The following PPP1R15B variants were observed in gnomAD, a reference collection of about 807,000 sequenced individuals.
PPP1R15B encodes the protein protein phosphatase 1 regulatory subunit 15B.
Under a neutral mutation model 53.9 loss-of-function variants are expected in PPP1R15B, and 31 were observed. That is an observed-to-expected ratio of 0.58 (90% confidence interval 0.43 to 0.78). PPP1R15B has a LOEUF of 0.78. PPP1R15B is among the 30% of genes least tolerant of loss of function. The probability of loss-of-function intolerance (pLI) is 0.00; values close to 1 mark genes in which losing one functional copy is unlikely to be tolerated. For missense variants in PPP1R15B, 928 were observed against 849.6 expected (o/e 1.09, Z -1.15); for synonymous variants, 345 against 329.1 (o/e 1.05, Z -0.52).
chr1:204,399,785 A>G (rs907948164), downstream of PPP1R15B, among the ~76,000 whole-genome samples: 3 of 152,172 alleles, frequency 2.0e-5, no homozygotes, highest in African/African-American at 7.2e-5. Flanking sequence ...GTTGGGGGAT[A>G]GAGTGATCAG....
In PPP1R15B at chr1:204,410,914, A is replaced by G. The variant is rs1299887126; in HGVS notation, c.498T>C (p.Ala166=). The G allele has an allele frequency of 6.2e-7, 1 of 1,613,918 alleles. No homozygotes were observed. Among genetic ancestry groups the G allele is most frequent in the Non-Finnish European group, 8.5e-7 (1 of 1,179,978 alleles). ...LKLELKAKGS[A]LDPAAQAFLL... ...GAAAAGCCTGTGCTGCAGGGTCCAA[A>G]GCACTTCCCTTGGCCTTAAGCTCCA... The change falls in exon 1 of 2, where the codon GCT becomes GCC. Residue 166 remains alanine, a synonymous_variant. Coordinates refer to ENST00000367188, the MANE Select transcript of PPP1R15B (RefSeq NM_032833.5).
In PPP1R15B at chr1:204,404,512, CACAGA is replaced by C; in HGVS notation, c.*1575_*1579del. 1 of 984,494 alleles carries C rather than the reference CACAGA, an allele frequency of 1.0e-6. No homozygotes were observed. The highest frequency in any genetic ancestry group is 1.2e-6 in the Non-Finnish European group (1 of 828,982). The allele number at this position is 984,494 out of a possible 1,614,324, so 61.0% of individuals were successfully genotyped here. A position where few individuals can be genotyped will look rare whatever the true frequency, so the allele number is the denominator to read the frequency against. On this transcript the variant is annotated 3_prime_UTR_variant, in exon 2 of 2. Transcript: ENST00000367188. ...AAAAAAAAGAAAAAAACAAAAAACACACAGAATAAGGGCTCTGCAAAAATTTGACC... is the reference window on the plus strand; with the variant it reads ...AAAAAAAAGAAAAAAACAAAAAACACATAAGGGCTCTGCAAAAATTTGACC...
Position 204,405,884 on chromosome 1 carries a change from C to T in PPP1R15B, c.*208G>A, listed in dbSNP as rs1674256205. On this transcript the variant is annotated 3_prime_UTR_variant, in exon 2 of 2. Coordinates refer to ENST00000367188, the MANE Select transcript of PPP1R15B (RefSeq NM_032833.5). Reference sequence around the variant, plus strand: ...AATCAAAAAAGGGAGGATTAGAAATCACACTAGTTCATCCTTCATTATCAG... The same window carrying T: ...AATCAAAAAAGGGAGGATTAGAAATTACACTAGTTCATCCTTCATTATCAG... 6.0e-6 allele frequency: 8 copies of T among 1,325,910 alleles called. No homozygotes were observed. The highest frequency in any genetic ancestry group is 6.7e-6 in the Non-Finnish European group (7 of 1,037,770). The allele number at this position is 1,325,910 out of a possible 1,614,324, so 82.1% of individuals were successfully genotyped here. A position where few individuals can be genotyped will look rare whatever the true frequency, so the allele number is the denominator to read the frequency against.
rs1674335424 is a variant in PPP1R15B, at chr1:204,409,967, C to A, written c.1445G>T (p.Cys482Phe). 1 of 1,614,040 alleles carries A rather than the reference C, an allele frequency of 6.2e-7. No individual in the cohort carries two copies. Among genetic ancestry groups the A allele is most frequent in the Admixed American group, 1.7e-5 (1 of 60,008 alleles). Reference protein sequence around the residue: ...PEGLHLWNSFCSVDPYNPQNF... With the variant: ...PEGLHLWNSFFSVDPYNPQNF... The stretch of plus-strand genomic sequence containing the variant: ...CTGGGGATTATAAGGATCTACACTG[C>A]AGAAAGAGTTCCAAAGGTGAAGCCC... The change falls in exon 1 of 2, where the codon TGC (cysteine) becomes TTC (phenylalanine). Residue 482 changes from cysteine to phenylalanine, a missense_variant. Coordinates refer to ENST00000367188, the MANE Select transcript of PPP1R15B (RefSeq NM_032833.5).
chr1:204,404,773 G>A lies in PPP1R15B; in HGVS notation c.*1319C>T. On this transcript the variant is annotated 3_prime_UTR_variant, in exon 2 of 2. Coordinates refer to ENST00000367188, the MANE Select transcript of PPP1R15B (RefSeq NM_032833.5). ...CATTACCTGTGACAGGAAGCACACG[G>A]AATGAAAGCAGACCACGGAAGGGTT... 3.0e-6 allele frequency: 3 copies of A among 985,866 alleles called. No homozygotes were observed. Among genetic ancestry groups the A allele is most frequent in the Non-Finnish European group, 3.6e-6 (3 of 829,932 alleles). The allele number at this position is 985,866 out of a possible 1,614,324, so 61.1% of individuals were successfully genotyped here. A position where few individuals can be genotyped will look rare whatever the true frequency, so the allele number is the denominator to read the frequency against.
chr1:204,411,797 GGTGGAA>G lies in PPP1R15B; in HGVS notation c.-392_-387del. Reference sequence around the variant, plus strand: ...AAGGACTGGGTAGGCCGGCTGGTGCGGTGGAAGCGAAGCCCAAAATGGCCGCAGGGC... The same window carrying G: ...AAGGACTGGGTAGGCCGGCTGGTGCGGCGAAGCCCAAAATGGCCGCAGGGC... On this transcript the variant is annotated 5_prime_UTR_variant, in exon 1 of 2. Coordinates refer to ENST00000367188, the MANE Select transcript of PPP1R15B (RefSeq NM_032833.5). The G allele has an allele frequency of 4.6e-6, 1 of 217,284 alleles. No individual in the cohort carries two copies. The highest frequency in any genetic ancestry group is 9.3e-6 in the Non-Finnish European group (1 of 107,872). The allele number at this position is 217,284 out of a possible 1,614,324, so 13.5% of individuals were successfully genotyped here.
chr1:204,398,922 C>T (rs1257728249), downstream of PPP1R15B, among the ~76,000 whole-genome samples: 1 of 152,206 alleles, frequency 6.6e-6, no homozygotes, highest in Admixed American at 6.5e-5. Flanking sequence ...TTAATAATGA[C>T]ACTAGAATTA....
At chr1:204,399,689 G>A (rs1020700819), downstream of PPP1R15B, among the ~76,000 whole-genome samples, 5 of 152,124 alleles carry the variant, frequency 3.3e-5, no homozygotes, top group African/African-American at 1.2e-4. Flanking sequence ...TGAGGGTGGT[G>A]GTAGATGAGA....
At chr1:204,408,204 T>C (rs1674299343) in intron 1 of PPP1R15B, among the ~76,000 whole-genome samples, 1 of 152,212 alleles carries the variant, frequency 6.6e-6, no homozygotes, top group African/African-American at 2.4e-5. Flanking sequence ...GCCTTCCAAA[T>C]CTCTGCGCCT....
chr1:204,409,800 C>G lies in PPP1R15B; in HGVS notation c.1612G>C (p.Gly538Arg), dbSNP rs760319584. 100 of 1,614,056 alleles carry G rather than the reference C, an allele frequency of 6.2e-5. No homozygotes were observed. The highest frequency in any genetic ancestry group is 8.1e-5 in the Non-Finnish European group (95 of 1,180,034). The change falls in exon 1 of 2, where the codon GGG (glycine) becomes CGG (arginine). Residue 538 changes from glycine (G) to arginine (R), a missense_variant. Coordinates refer to ENST00000367188, the MANE Select transcript of PPP1R15B (RefSeq NM_032833.5). ...SLPETPEHSS[G>R]EEDDWESSAD... is the part of the protein sequence containing the mutation. ...CTAGATTCCCAGTCATCTTCCTCCC[C>G]AGAACTATGCTCAGGGGTCTCAGGA...
At chr1:204,406,457 A>G (rs1314921815) in intron 1 of PPP1R15B, 144 bp from the exon 2 acceptor site, 1 of 1,257,868 alleles carries the variant, frequency 7.9e-7, no homozygotes, top group African/African-American at 1.5e-5. Context: ...GGTCCCAGCT[A>G]TATTTGAAGT....
At chr1:204,396,880 G>A (rs1674107066), downstream of PPP1R15B, among the ~76,000 whole-genome samples, 1 of 152,178 alleles carries the variant, frequency 6.6e-6, no homozygotes, top group African/African-American at 2.4e-5. Flanking sequence ...GGTGACCATA[G>A]TCAATAACAA....
rs1018352614 is a variant in PPP1R15B, at chr1:204,403,887, A to G, written c.*2205T>C. 1.0e-6 allele frequency: 1 copy of G among 985,722 alleles called. No homozygotes were observed. The highest frequency in any genetic ancestry group is 1.7e-5 in the African/African-American group (1 of 57,358). The allele number at this position is 985,722 out of a possible 1,614,324, so 61.1% of individuals were successfully genotyped here. A position where few individuals can be genotyped will look rare whatever the true frequency, so the allele number is the denominator to read the frequency against. On this transcript the variant is annotated 3_prime_UTR_variant, in exon 2 of 2. Coordinates refer to ENST00000367188, the MANE Select transcript of PPP1R15B (RefSeq NM_032833.5). Reference sequence around the variant, plus strand: ...TCTTCCAAGGAGGCTAGTATATGGAAGAACTCTTAATCAAGCTTTCACTCA... The same window carrying G: ...TCTTCCAAGGAGGCTAGTATATGGAGGAACTCTTAATCAAGCTTTCACTCA...
chr1:204,402,230 C>T (rs1292457256), downstream of PPP1R15B, among the ~76,000 whole-genome samples: 1 of 152,156 alleles, frequency 6.6e-6, no homozygotes, highest in Admixed American at 6.5e-5. Flanking sequence ...ATCTTAATAA[C>T]TTTTCTTCAT....
At chr1:204,406,896 GC>G (rs879649308) in intron 1 of PPP1R15B, among the ~76,000 whole-genome samples, 2 of 150,522 alleles carry the variant, frequency 1.3e-5, no homozygotes, top group African/African-American at 4.9e-5. Context: ...ACAGTCGTCT[GC>G]CCCCCCCAAT....
rs1225600253 is a variant in PPP1R15B, at chr1:204,409,503, TGACA to T, written c.1905_1908del (p.His635GlnfsTer6). On this transcript the variant is annotated frameshift_variant, in exon 1 of 2. Coordinates refer to ENST00000367188, the MANE Select transcript of PPP1R15B (RefSeq NM_032833.5). LOFTEE classifies it high-confidence loss of function. ...GACAAGAAACAAACCTTTTTTCTTT[TGACA>T]TGTGTGTGTCTTCCTCCAGAAAGAA... 23 of 1,606,990 alleles carry T rather than the reference TGACA, an allele frequency of 1.4e-5. No individual in the cohort carries two copies. Among genetic ancestry groups the T allele is most frequent in the Middle Eastern group, 1.7e-4 (1 of 6,012 alleles).
rs1179842545 is a variant in PPP1R15B, at chr1:204,403,764, C to G, written c.*2328G>C. On this transcript the variant is annotated 3_prime_UTR_variant, in exon 2 of 2. Transcript: ENST00000367188. ...AAGATTACGGGGGTTTAACTTTGTT[C>G]TAACTAGAATTGGGATGAAACAAGA... 6 of 985,622 alleles carry G rather than the reference C, an allele frequency of 6.1e-6. No individual in the cohort carries two copies. The highest frequency in any genetic ancestry group is 7.2e-6 in the Non-Finnish European group (6 of 829,724). The allele number at this position is 985,622 out of a possible 1,614,324, so 61.1% of individuals were successfully genotyped here.
chr1:204,405,934 C>T lies in PPP1R15B; in HGVS notation c.*158G>A. 2 of 1,418,450 alleles carry T rather than the reference C, an allele frequency of 1.4e-6. No homozygotes were observed. Among genetic ancestry groups the T allele is most frequent in the Non-Finnish European group, 1.8e-6 (2 of 1,090,170 alleles). The allele number at this position is 1,418,450 out of a possible 1,614,324, so 87.9% of individuals were successfully genotyped here. A position where few individuals can be genotyped will look rare whatever the true frequency, so the allele number is the denominator to read the frequency against. ...GGGCTGGCTTCAAACCTGAATGTTTCTGAGTGGGATATGTTGCAAAAAAAA... is the reference window on the plus strand; with the variant it reads ...GGGCTGGCTTCAAACCTGAATGTTTTTGAGTGGGATATGTTGCAAAAAAAA... On this transcript the variant is annotated 3_prime_UTR_variant, in exon 2 of 2. Coordinates refer to ENST00000367188, the MANE Select transcript of PPP1R15B (RefSeq NM_032833.5).
In PPP1R15B at chr1:204,404,377, C is replaced by T. The variant is rs1444311522; in HGVS notation, c.*1715G>A. The T allele has an allele frequency of 1.6e-5, 8 of 486,912 alleles. No homozygotes were observed. The highest frequency in any genetic ancestry group is 6.3e-5 in the African/African-American group (3 of 47,260). The allele number at this position is 486,912 out of a possible 1,614,324, so 30.2% of individuals were successfully genotyped here. On this transcript the variant is annotated 3_prime_UTR_variant, in exon 2 of 2. Coordinates refer to ENST00000367188, the MANE Select transcript of PPP1R15B (RefSeq NM_032833.5). Reference sequence around the variant, plus strand: ...GTGTGTGCCTGTAATCCCAGCTACTCGGGAGGCTGAGGCAGGAGAATCGCG... The same window carrying T: ...GTGTGTGCCTGTAATCCCAGCTACTTGGGAGGCTGAGGCAGGAGAATCGCG...
Sources: gnomAD v4.1 joint callset for allele counts (sites outside exome capture counted in the v4.1 genomes callset) on GRCh38, gnomAD v4.1.1 for gene constraint, MANE v1.5 for transcripts, NCBI Gene and HGNC (gene_info 2026-07-23, HGNC 2026-07-21) for gene names.